Variants in PTPRD observed in about 807,000 individuals in gnomAD.
PTPRD encodes protein tyrosine phosphatase receptor type D, also known as receptor-type tyrosine-protein phosphatase delta.
Under a neutral mutation model 214.5 loss-of-function variants are expected in PTPRD, and 34 were observed. The ratio of observed to expected loss-of-function variants is 0.16; its 90% confidence interval spans 0.12 to 0.21. PTPRD has a LOEUF of 0.21. PTPRD is among the 10% of genes least tolerant of loss of function. The pLI, the probability that PTPRD is intolerant of heterozygous loss-of-function variation, is 1.00. For synonymous variants in PTPRD, 1,128 were observed against 845.7 expected (o/e 1.33, Z -5.79); for missense variants, 2,545 against 2,398.7 (o/e 1.06, Z -1.27).
intron 11 of PTPRD, among the ~76,000 whole-genome samples, chr9:8,737,280 G>C (rs2090686815): frequency 6.6e-6 from 1 of 152,170 alleles, no homozygotes; most frequent in Non-Finnish European, 1.5e-5. Context: ...GGAGGTCAGA[G>C]GTGTGAAGAT....
In PTPRD at chr9:8,831,104, C is replaced by T. The variant is rs182039126; in HGVS notation, c.-103-97158G>A. ...ATCACTGAATCCAGCTCCTACACTTCGCAGACAAGATGACTGAGACTCAGG... is the reference window on the plus strand; with the variant it reads ...ATCACTGAATCCAGCTCCTACACTTTGCAGACAAGATGACTGAGACTCAGG... On this transcript the variant is annotated intron_variant, in intron 11 of 45. Transcript: ENST00000381196. Among the ~76,000 whole-genome samples the T allele has an allele frequency of 3.9e-5, 6 of 152,208 alleles. No homozygotes were observed. In the South Asian group the frequency reaches 6.2e-4, roughly 16 times the overall value.
At chr9:10,363,629 A>C (rs1174203300) in intron 2 of PTPRD, among the ~76,000 whole-genome samples, 1 of 152,220 alleles carries the variant, frequency 6.6e-6, no homozygotes, top group Admixed American at 6.5e-5. Context: ...TTGAAAAGGC[A>C]AGATATCTTA....
intron 3 of PTPRD, among the ~76,000 whole-genome samples, chr9:10,259,756 G>C (rs1378670880): frequency 6.6e-6 from 1 of 152,198 alleles, no homozygotes; most frequent in Non-Finnish European, 1.5e-5. Flanking sequence ...AGCTTTTGTA[G>C]CATAGGCCCT....
chr9:8,766,841 T>C (rs563580793), intron 11 of PTPRD, among the ~76,000 whole-genome samples: 1 of 152,314 alleles, frequency 6.6e-6, no homozygotes, highest in East Asian at 1.9e-4. Flanking sequence ...CGTGATGTGT[T>C]TGTGACCAGA....
chr9:10,224,626 T>C (rs1354374818), intron 3 of PTPRD, among the ~76,000 whole-genome samples: 8 of 152,064 alleles, frequency 5.3e-5, no homozygotes, highest in Non-Finnish European at 1.0e-4. Flanking sequence ...ATAATATTGA[T>C]AGTTTCTTGT....
chr9:10,082,840 A>ACACACACACACAAAC (rs1555566891), intron 3 of PTPRD, among the ~76,000 whole-genome samples: 2 of 128,232 alleles, frequency 1.6e-5, no homozygotes, highest in African/African-American at 5.8e-5. Flanking sequence ...CACACACACA[A>ACACACACACACAAAC]ACACACACAC....
intron 19 of PTPRD, among the ~76,000 whole-genome samples, chr9:8,522,805 T>A (rs1457118210): frequency 6.6e-6 from 1 of 152,178 alleles, no homozygotes; most frequent in Non-Finnish European, 1.5e-5. Context: ...TAGAGGGTAA[T>A]CTTTAGGGAG....
chr9:8,524,498 G>T (rs928494531), intron 18 of PTPRD, among the ~76,000 whole-genome samples: 1 of 152,080 alleles, frequency 6.6e-6, no homozygotes, highest in African/African-American at 2.4e-5. Flanking sequence ...GGGTCATGAA[G>T]ACATAAACAC....
At chr9:8,335,936 C>A (rs1308256423) in intron 43 of PTPRD, among the ~76,000 whole-genome samples, 1 of 152,124 alleles carries the variant, frequency 6.6e-6, no homozygotes, top group Non-Finnish European at 1.5e-5. Flanking sequence ...AGGAGAACTG[C>A]AAACCACTGC....
chr9:9,507,625 G>A (rs1383328395), intron 8 of PTPRD, among the ~76,000 whole-genome samples: 1 of 151,392 alleles, frequency 6.6e-6, no homozygotes, highest in Non-Finnish European at 1.5e-5. Flanking sequence ...ATTGCAATCA[G>A]TCTTGTGATT....
intron 3 of PTPRD, among the ~76,000 whole-genome samples, chr9:10,066,511 T>A (rs536502309): frequency 1.3e-5 from 2 of 152,078 alleles, no homozygotes; most frequent in South Asian, 2.1e-4. Flanking sequence ...TGACACTTAG[T>A]AGCTCTTTTC....
chr9:10,534,790 C>T (rs925894476), intron 2 of PTPRD, among the ~76,000 whole-genome samples: 4 of 152,162 alleles, frequency 2.6e-5, no homozygotes, highest in Non-Finnish European at 5.9e-5. Context: ...GGCACCATTT[C>T]ATTTAATTAG....
chr9:8,527,460 C>G, intron 15 of PTPRD, 107 bp from the exon 16 acceptor site: 1 of 943,214 alleles, frequency 1.1e-6, no homozygotes, highest in Non-Finnish European at 1.7e-6. Context: ...ACTAAATCAT[C>G]TATGTTACAT....
At chr9:9,116,749 C>G (rs1026382974) in intron 10 of PTPRD, among the ~76,000 whole-genome samples, 3 of 152,012 alleles carry the variant, frequency 2.0e-5, no homozygotes, top group African/African-American at 7.3e-5. Flanking sequence ...TTAAATCTTC[C>G]TTGCACAGAA....
intron 12 of PTPRD, among the ~76,000 whole-genome samples, chr9:8,692,858 C>T (rs2097838075): frequency 6.6e-6 from 1 of 152,094 alleles, no homozygotes; most frequent in African/African-American, 2.4e-5. Flanking sequence ...CAACTTAATC[C>T]ACAAGACAAT....
intron 2 of PTPRD, among the ~76,000 whole-genome samples, chr9:10,595,388 C>T (rs996986643): frequency 6.6e-6 from 1 of 151,762 alleles, no homozygotes; most frequent in African/African-American, 2.4e-5. Flanking sequence ...ATAATTACTT[C>T]CAAATAAGTT....
chr9:10,103,543 G>T (rs1435313359), intron 3 of PTPRD, among the ~76,000 whole-genome samples: 1 of 151,144 alleles, frequency 6.6e-6, no homozygotes, highest in Admixed American at 6.6e-5. Context: ...TAGAGAAAGG[G>T]AATTATACAA....
chr9:10,333,332 A>C (rs1277070930), intron 3 of PTPRD, among the ~76,000 whole-genome samples: 1 of 151,818 alleles, frequency 6.6e-6, no homozygotes, highest in African/African-American at 2.4e-5. Flanking sequence ...TAGCTTGTTC[A>C]GCACTAGACA....
chr9:10,080,577 A>T (rs1357912612), intron 3 of PTPRD, among the ~76,000 whole-genome samples: 1 of 152,150 alleles, frequency 6.6e-6, no homozygotes, highest in Non-Finnish European at 1.5e-5. Context: ...ATTTGAAACC[A>T]TTAAGAAACA....
Sources: gnomAD v4.1 joint callset for allele counts (sites outside exome capture counted in the v4.1 genomes callset) on GRCh38, gnomAD v4.1.1 for gene constraint, MANE v1.5 for transcripts, NCBI Gene and HGNC (gene_info 2026-07-23, HGNC 2026-07-21) for gene names.